Variants in CNTN5 observed in about 807,000 individuals in gnomAD.
The protein encoded by CNTN5 is contactin-5.
A neutral mutation model predicts 129.1 loss-of-function variants in CNTN5; 77 were observed. That is an observed-to-expected ratio of 0.60 (90% CI 0.50 to 0.72). The LOEUF (loss-of-function observed/expected upper bound fraction) is 0.72. CNTN5 is among the 30% of genes least tolerant of loss of function. The pLI is 0.00. For synonymous variants in CNTN5, 509 were observed against 465.6 expected (o/e 1.09, Z -1.20); for missense variants, 1,478 against 1,328.8 (o/e 1.11, Z -1.75).
chr11:99,662,876 T>G lies in CNTN5; in HGVS notation c.55+106607T>G, dbSNP rs1952647809. On this transcript the variant is annotated intron_variant, in intron 3 of 24. Transcript: ENST00000524871. ...AAGCTCCTCAGATGCATGTACATTA[T>G]AATTTGAGAAGCTCTGCTCTAGAGG... Among the ~76,000 whole-genome samples, 3 of 152,204 alleles carry G rather than the reference T, an allele frequency of 2.0e-5. No individual in the cohort carries two copies. The South Asian group carries it at 6.2e-4, about 32-fold the overall frequency.
At chr11:100,129,475 G>A (rs1411769651) in intron 13 of CNTN5, among the ~76,000 whole-genome samples, 4 of 152,068 alleles carry the variant, frequency 2.6e-5, no homozygotes, top group Admixed American at 6.6e-5. Flanking sequence ...TTTGAAGACC[G>A]AAGAAAGAGA....
intron 2 of CNTN5, among the ~76,000 whole-genome samples, chr11:99,492,035 T>A (rs188301206): frequency 2.3e-3 from 348 of 152,264 alleles, no homozygotes; most frequent in African/African-American, 8.2e-3. Flanking sequence ...ATTTTTAGTA[T>A]CTGTTGTTGG....
chr11:100,127,045 A>T (rs1184935859), intron 13 of CNTN5, among the ~76,000 whole-genome samples: 1 of 149,666 alleles, frequency 6.7e-6, no homozygotes, highest in African/African-American at 2.5e-5. Context: ...TTAGCCTCCC[A>T]GGTAGCCCAG....
At chr11:99,508,760 T>A (rs117823626) in intron 2 of CNTN5, among the ~76,000 whole-genome samples, 1 of 151,670 alleles carries the variant, frequency 6.6e-6, no homozygotes, top group African/African-American at 2.4e-5. Flanking sequence ...CGGCTCACTG[T>A]AACTTCCTCC....
chr11:99,152,855 T>G (rs1319890202), intron 1 of CNTN5, among the ~76,000 whole-genome samples: 1 of 152,240 alleles, frequency 6.6e-6, no homozygotes, highest in African/African-American at 2.4e-5. Flanking sequence ...TGAATTCCTT[T>G]AGCATTTCCT....
At chr11:99,393,301 G>A (rs1002922872) in intron 2 of CNTN5, among the ~76,000 whole-genome samples, 2 of 151,814 alleles carry the variant, frequency 1.3e-5, no homozygotes, top group Admixed American at 6.6e-5. Flanking sequence ...TATGTTCAAA[G>A]ATAAAACAAG....
chr11:99,480,944 C>G (rs1945572988), intron 2 of CNTN5, among the ~76,000 whole-genome samples: 1 of 152,184 alleles, frequency 6.6e-6, no homozygotes, highest in South Asian at 2.1e-4. Flanking sequence ...TATTGTGTAT[C>G]TAAGATAACC....
intron 2 of CNTN5, among the ~76,000 whole-genome samples, chr11:99,354,522 T>C (rs924899162): frequency 2.4e-4 from 37 of 152,204 alleles, no homozygotes; most frequent in African/African-American, 8.7e-4. Flanking sequence ...CGGATAATTT[T>C]TCTATGATGT....
At chr11:100,272,102 G>A (rs2165661) in intron 18 of CNTN5, among the ~76,000 whole-genome samples, 37,936 of 151,980 alleles carry the variant, frequency 0.25, 4,909 homozygotes, top group Non-Finnish European at 0.29. Context: ...GGTATAGGGA[G>A]GAAGAAATAA....
chr11:99,607,774 A>G (rs1345095462), intron 3 of CNTN5, among the ~76,000 whole-genome samples: 2 of 130,706 alleles, frequency 1.5e-5, no homozygotes, highest in Admixed American at 8.0e-5. Flanking sequence ...CAGCCATAAA[A>G]AGATGATGAG....
chr11:99,929,395 T>G (rs1004596697), intron 7 of CNTN5, among the ~76,000 whole-genome samples: 1 of 152,196 alleles, frequency 6.6e-6, no homozygotes, highest in Non-Finnish European at 1.5e-5. Context: ...GGGTATCCTT[T>G]CAGCAGTGCC....
intron 3 of CNTN5, among the ~76,000 whole-genome samples, chr11:99,761,710 T>C (rs529003076): frequency 1.1e-4 from 16 of 151,508 alleles, no homozygotes; most frequent in African/African-American, 3.4e-4. Context: ...TTGTGAATAA[T>C]GCCGCAATAA....
intron 6 of CNTN5, among the ~76,000 whole-genome samples, chr11:99,893,185 CT>C (rs759978875): frequency 4.1e-4 from 63 of 152,112 alleles, no homozygotes; most frequent in Non-Finnish European, 8.1e-4. Flanking sequence ...AAAAGGTCCA[CT>C]TTTAAATTTT....
At chr11:99,930,049 C>T (rs530821665) in intron 7 of CNTN5, among the ~76,000 whole-genome samples, 35 of 152,190 alleles carry the variant, frequency 2.3e-4, no homozygotes, top group African/African-American at 8.2e-4. Flanking sequence ...GGTCTTTTCC[C>T]CTTGTCCTTC....
intron 4 of CNTN5, among the ~76,000 whole-genome samples, chr11:99,841,536 C>T (rs1265672470): frequency 2.6e-5 from 4 of 151,082 alleles, no homozygotes; most frequent in African/African-American, 9.7e-5. Flanking sequence ...TATATAAAAT[C>T]ATGCTTTATA....
rs555141284 is a variant in CNTN5, at chr11:99,275,008, G to T, written c.-209-50338G>T. 4.0e-5 allele frequency among the ~76,000 whole-genome samples: 6 copies of T among 151,222 alleles called. No individual in the cohort carries two copies. The South Asian group carries it at 1.2e-3, about 31-fold the overall frequency. On this transcript the variant is annotated intron_variant, in intron 1 of 24. Coordinates refer to ENST00000524871, the MANE Select transcript of CNTN5 (RefSeq NM_014361.4). ...GTACAAAATAATGCAAGTATCCAGG[G>T]TTTTATATATTTCTGTATTTAAGAC...
intron 2 of CNTN5, among the ~76,000 whole-genome samples, chr11:99,358,337 G>A (rs570609593): frequency 5.1e-5 from 7 of 138,604 alleles, no homozygotes; most frequent in African/African-American, 1.1e-4. Context: ...CTCGTGATCC[G>A]CCAGCCTCGG....
chr11:99,881,975 C>G (rs905364334), intron 6 of CNTN5, among the ~76,000 whole-genome samples: 1 of 152,136 alleles, frequency 6.6e-6, no homozygotes, highest in Non-Finnish European at 1.5e-5. Flanking sequence ...CACTACTCTG[C>G]TGAGCCTGAA....
At chr11:99,292,365 A>G (rs1465214265) in intron 1 of CNTN5, among the ~76,000 whole-genome samples, 1 of 151,374 alleles carries the variant, frequency 6.6e-6, no homozygotes, top group Non-Finnish European at 1.5e-5. Context: ...GGGATGTAAA[A>G]AGAAAGACTT....
Sources: gnomAD v4.1 joint callset for allele counts (sites outside exome capture counted in the v4.1 genomes callset) on GRCh38, gnomAD v4.1.1 for gene constraint, MANE v1.5 for transcripts, NCBI Gene and HGNC (gene_info 2026-07-23, HGNC 2026-07-21) for gene names.